Variants in CDK12 observed in about 807,000 individuals in gnomAD.
CDK12 encodes the protein cyclin dependent kinase 12.
A neutral mutation model predicts 133.8 loss-of-function variants in CDK12; 17 were observed. That is an observed-to-expected ratio of 0.13 (90% CI 0.09 to 0.19). CDK12 has a LOEUF of 0.19. Among genes scored for constraint, CDK12 ranks in the 10% least tolerant of loss-of-function variants. CDK12 has a pLI of 1.00. For missense variants in CDK12, 1,508 were observed against 1,818.7 expected (o/e 0.83, Z 3.11); for synonymous variants, 694 against 683.6 (o/e 1.02, Z -0.24).
Position 39,532,102 on chromosome 17 carries a change from TTCTCTC to T in CDK12, c.*822_*827del, listed in dbSNP as rs71843922. ...GCTGATGTGTGCTCTCTCTCTCTCT[TTCTCTC>T]TCTCTCTCTCTCTCTCTCTCTCTCT... On this transcript the variant is annotated 3_prime_UTR_variant, in exon 14 of 14. Transcript: ENST00000447079. 102,014 of 218,010 alleles carry T rather than the reference TTCTCTC, an allele frequency of 0.47. 18,726 individuals are homozygous for T. The highest frequency in any genetic ancestry group is 0.71 in the South Asian group (3,619 of 5,116). The allele number at this position is 218,010 out of a possible 1,614,324, so 13.5% of individuals were successfully genotyped here.
upstream of CDK12, chr17:39,549,757 A>G (rs1457029038): frequency 2.0e-5 from 3 of 152,106 alleles, no homozygotes; most frequent in East Asian, 5.8e-4. Flanking sequence ...TTCATCCACA[A>G]AGCCCAAAAG....
At position 39,470,834 on chromosome 17, in the gene CDK12, A is replaced by G. The variant is rs1335610398; in HGVS notation, c.1047-45A>G. ...TTTATTGATCTGTTTTCCTCCATAT[A>G]CTACTGTAGTCCATTCATTTAAAAC... On this transcript the variant is annotated intron_variant, in intron 1 of 13. Transcript: ENST00000447079. The G allele has an allele frequency of 2.7e-6, 4 of 1,461,180 alleles. No individual in the cohort carries two copies. The African/African-American group carries it at 4.3e-5, about 16-fold the overall frequency. The allele number at this position is 1,461,180 out of a possible 1,614,324, so 90.5% of individuals were successfully genotyped here.
intron 2 of CDK12, among the ~76,000 whole-genome samples, chr17:39,474,716 G>A (rs1375026807): frequency 6.6e-6 from 1 of 150,648 alleles, no homozygotes; most frequent in African/African-American, 2.5e-5. Flanking sequence ...TACAGTAAAT[G>A]GAAAGGGGGA....
intron 5 of CDK12, among the ~76,000 whole-genome samples, chr17:39,497,985 TTCTC>T (rs887882866): frequency 6.7e-6 from 1 of 148,646 alleles, no homozygotes; most frequent in African/African-American, 2.5e-5. Flanking sequence ...CCCTCTCTCT[TTCTC>T]TCTCTCTTTC....
chr17:39,505,732 C>T (rs1178531295), intron 6 of CDK12, among the ~76,000 whole-genome samples: 1 of 151,972 alleles, frequency 6.6e-6, no homozygotes, highest in Non-Finnish European at 1.5e-5. Context: ...TTTTATCCAA[C>T]CAAAAACAAA....
At chr17:39,464,632 G>C (rs2049167573) in intron 1 of CDK12, among the ~76,000 whole-genome samples, 1 of 151,718 alleles carries the variant, frequency 6.6e-6, no homozygotes, top group African/African-American at 2.4e-5. Flanking sequence ...AGCTGTCAAG[G>C]GCTGGAGTTC....
At chr17:39,500,917 A>T (rs779293867) in intron 5 of CDK12, among the ~76,000 whole-genome samples, 8 of 151,464 alleles carry the variant, frequency 5.3e-5, no homozygotes, top group Non-Finnish European at 1.2e-4. Flanking sequence ...TTTTTAGTCA[A>T]GATGAGGTTT....
chr17:39,495,749 C>A (rs1182362805), intron 5 of CDK12, among the ~76,000 whole-genome samples: 2 of 147,754 alleles, frequency 1.4e-5, no homozygotes, highest in Non-Finnish European at 3.0e-5. Flanking sequence ...GAGCCAAGAT[C>A]GTGCCACTGC....
chr17:39,536,046 C>T (rs532354762), downstream of CDK12, among the ~76,000 whole-genome samples: 1 of 152,204 alleles, frequency 6.6e-6, no homozygotes, highest in East Asian at 1.9e-4. Context: ...GGAACACCTC[C>T]AGTGTTCCTA....
At chr17:39,534,777 T>G (rs2055055696), downstream of CDK12, 1 of 171,752 alleles carries the variant, frequency 5.8e-6, no homozygotes, top group African/African-American at 2.4e-5. Flanking sequence ...GAAATGTGAT[T>G]TTTTTAAAGT....
chr17:39,507,563 A>AG (rs1390320896), intron 6 of CDK12, among the ~76,000 whole-genome samples: 1 of 152,180 alleles, frequency 6.6e-6, no homozygotes, highest in Non-Finnish European at 1.5e-5. Flanking sequence ...TTAAAAAAAA[A>AG]AAAGTGCTAT....
At chr17:39,498,110 C>T (rs1297213197) in intron 5 of CDK12, among the ~76,000 whole-genome samples, 1 of 151,694 alleles carries the variant, frequency 6.6e-6, no homozygotes, top group African/African-American at 2.4e-5. Context: ...CAAGGGATCC[C>T]CCTGACTCAG....
chr17:39,485,408 C>CCT (rs1491365639), intron 2 of CDK12, among the ~76,000 whole-genome samples: 4 of 69,862 alleles, frequency 5.7e-5, no homozygotes, highest in African/African-American at 1.6e-4. Flanking sequence ...CATCCCCCCC[C>CCT]TTTTTTTTTT....
At chr17:39,480,673 T>C (rs1048407538) in intron 2 of CDK12, among the ~76,000 whole-genome samples, 3 of 152,074 alleles carry the variant, frequency 2.0e-5, no homozygotes, top group Non-Finnish European at 4.4e-5. Context: ...TCCACCTGCC[T>C]TGGCCTCCCA....
intron 5 of CDK12, among the ~76,000 whole-genome samples, chr17:39,498,769 C>T (rs1185186795): frequency 6.6e-6 from 1 of 152,132 alleles, no homozygotes; most frequent in Admixed American, 6.6e-5. Flanking sequence ...AGGCAATCCT[C>T]TCACCTCAGC....
intron 2 of CDK12, among the ~76,000 whole-genome samples, chr17:39,552,249 TA>T (rs2055985647): frequency 1.3e-5 from 2 of 152,248 alleles, no homozygotes; most frequent in African/African-American, 4.8e-5. Context: ...TGCCTACTTC[TA>T]AGGGCCCCAG....
At chr17:39,556,209 A>G (rs1438595455) in intron 2 of CDK12, 1 of 152,022 alleles carries the variant, frequency 6.6e-6, no homozygotes, top group Non-Finnish European at 1.5e-5. Flanking sequence ...TCTGTTCCCT[A>G]TGCTTTTCTC....
intron 2 of CDK12, among the ~76,000 whole-genome samples, chr17:39,554,603 G>T (rs1033692446): frequency 2.0e-5 from 3 of 152,128 alleles, no homozygotes; most frequent in Non-Finnish European, 4.4e-5. Context: ...TAGGATAGCC[G>T]GGCACGGCAA....
At chr17:39,473,754 GGT>G (rs2049978304) in intron 2 of CDK12, among the ~76,000 whole-genome samples, 1 of 151,872 alleles carries the variant, frequency 6.6e-6, no homozygotes, top group Admixed American at 6.6e-5. Context: ...GCGTGGTGGC[GGT>G]TGCCTATAGT....
Sources: gnomAD v4.1 joint callset for allele counts (sites outside exome capture counted in the v4.1 genomes callset) on GRCh38, gnomAD v4.1.1 for gene constraint, MANE v1.5 for transcripts, NCBI Gene and HGNC (gene_info 2026-07-23, HGNC 2026-07-21) for gene names.